The following SLC25A23 variants were observed in gnomAD, a reference collection of about 807,000 sequenced individuals.
SLC25A23 encodes the protein mitochondrial adenyl nucleotide antiporter SLC25A23.
In SLC25A23, 32 loss-of-function variants were observed where a neutral mutation model predicts 53.9. The ratio of observed to expected loss-of-function variants is 0.59; its 90% confidence interval spans 0.45 to 0.80. The LOEUF is 0.80. SLC25A23 is among the 30% of genes least tolerant of loss of function. The pLI, the probability that SLC25A23 is intolerant of heterozygous loss-of-function variation, is 0.00. For synonymous variants in SLC25A23, 275 were observed against 264.5 expected, an observed-to-expected ratio of 1.04 and a Z score of -0.38; for missense variants, 575 against 651.4, an observed-to-expected ratio of 0.88 and a Z score of 1.28.
At chr19:6,447,427 G>A (rs999961570) in intron 8 of SLC25A23, among the ~76,000 whole-genome samples, 1 of 151,260 alleles carries the variant, frequency 6.6e-6, no homozygotes, top group African/African-American at 2.4e-5. Context: ...TTCAACCTCT[G>A]GAGTAGCCAG....
rs963832365 is a variant in SLC25A23, at chr19:6,456,539, G to A, written c.372-8C>T. 2.5e-6 allele frequency: 4 copies of A among 1,586,406 alleles called. No individual in the cohort carries two copies. Among genetic ancestry groups the A allele is most frequent in the Non-Finnish European group, 3.5e-6 (4 of 1,155,978 alleles). ...GTGCCGTCTCGGTCCATGCTGGGGG[G>A]AAGAAAGGGGGTGGAGGAGGACAGG... On this transcript the variant is annotated splice_polypyrimidine_tract_variant and splice_region_variant and intron_variant, in intron 3 of 9. Transcript: ENST00000301454.
chr19:6,458,883 G>A (rs1226174406), intron 1 of SLC25A23, among the ~76,000 whole-genome samples: 4 of 152,182 alleles, frequency 2.6e-5, no homozygotes, highest in Admixed American at 6.5e-5. Context: ...GCGATCTGGG[G>A]CTACAGGTGT....
chr19:6,446,654 C>G (rs2092509327), intron 8 of SLC25A23, among the ~76,000 whole-genome samples: 1 of 152,162 alleles, frequency 6.6e-6, no homozygotes, highest in Non-Finnish European at 1.5e-5. Flanking sequence ...TGCAGCATGT[C>G]TTATGCTGCC....
At chr19:6,452,142 T>C (rs2092601346) in intron 8 of SLC25A23, among the ~76,000 whole-genome samples, 170 bp downstream of exon 8, 1 of 152,084 alleles carries the variant, frequency 6.6e-6, no homozygotes, top group African/African-American at 2.4e-5. Context: ...GAGAGTCCAA[T>C]ACCTGGAAGG....
rs1178778103 is a variant in SLC25A23 at position 6,441,349 on chromosome 19, C to A, written c.*626G>T. 9 of 153,190 alleles carry A rather than the reference C, an allele frequency of 5.9e-5. No homozygotes were observed. Among genetic ancestry groups the A allele is most frequent in the Admixed American group, 5.8e-4 (9 of 15,522 alleles). The allele number at this position is 153,190 out of a possible 1,614,324, so 9.5% of individuals were successfully genotyped here. A position where few individuals can be genotyped will look rare whatever the true frequency, so the allele number is the denominator to read the frequency against. ...TTTGTTGACATCCAGAATCCAGCAG[C>A]TGAGCTTGGAGATCCAGGGCTCGAG... On this transcript the variant is annotated 3_prime_UTR_variant, in exon 10 of 10. Coordinates refer to ENST00000301454, the MANE Select transcript of SLC25A23 (RefSeq NM_024103.3).
At chr19:6,457,374 T>A (rs2092696606) in intron 3 of SLC25A23, 129 bp downstream of exon 3, 1 of 810,618 alleles carries the variant, frequency 1.2e-6, no homozygotes, top group South Asian at 1.6e-5. Flanking sequence ...GCCAGATCTG[T>A]CTGACTTCAA....
intron 8 of SLC25A23, among the ~76,000 whole-genome samples, chr19:6,451,115 C>CA (rs891015409): frequency 1.4e-4 from 20 of 145,458 alleles, no homozygotes; most frequent in Non-Finnish European, 2.4e-4. Context: ...TCAGGCCTGG[C>CA]ATGGTAGTTC....
rs768302760 is a variant in SLC25A23 at position 6,451,080 on chromosome 19, G to GA, written c.1071+1231dup. ...GCGACAGAGTGAGACTCTGTCTCGGGAAAAAAAAAAAAAAATTAAGAATTT... is the reference window on the plus strand; with the variant it reads ...GCGACAGAGTGAGACTCTGTCTCGGGAAAAAAAAAAAAAAAATTAAGAATTT... On this transcript the variant is annotated intron_variant, in intron 8 of 9. Transcript: ENST00000301454. Among the ~76,000 whole-genome samples the GA allele has an allele frequency of 8.9e-3, 1,001 of 111,860 alleles. 11 individuals are homozygous for GA. The highest frequency in any genetic ancestry group is 0.026 in the African/African-American group (769 of 29,384). 73.4% of individuals were successfully genotyped at this position (111,860 alleles called of 152,430 possible).
chr19:6,458,154 C>A (rs752778631), intron 2 of SLC25A23, 44 bp downstream of exon 2: 7 of 1,603,910 alleles, frequency 4.4e-6, no homozygotes. Flanking sequence ...AGGGCCCCCA[C>A]AGCCCTATCC....
intron 1 of SLC25A23, among the ~76,000 whole-genome samples, chr19:6,458,600 G>A (rs1265235147): frequency 6.6e-6 from 1 of 152,222 alleles, no homozygotes; most frequent in Non-Finnish European, 1.5e-5. Flanking sequence ...ACAGAACCAG[G>A]AAATGGTAAC....
Position 6,441,479 on chromosome 19 carries a change from G to T in SLC25A23, c.*496C>A, listed in dbSNP as rs1016127649. 1.2e-5 allele frequency: 2 copies of T among 164,048 alleles called. No individual in the cohort carries two copies. The highest frequency in any genetic ancestry group is 4.8e-5 in the African/African-American group (2 of 41,582). 10.2% of individuals were successfully genotyped at this position (164,048 alleles called of 1,614,324 possible). On this transcript the variant is annotated 3_prime_UTR_variant, in exon 10 of 10. Coordinates refer to ENST00000301454, the MANE Select transcript of SLC25A23 (RefSeq NM_024103.3). ...CTGGGTGTTGAGGTACAGGGAATCC[G>T]TGCTCCTGTGGTTGGGGTGTTGGGA...
In SLC25A23 at chr19:6,454,757, G is replaced by A. The variant is rs184284267; in HGVS notation, c.484-40C>T. On this transcript the variant is annotated intron_variant, in intron 4 of 9. Coordinates refer to ENST00000301454, the MANE Select transcript of SLC25A23 (RefSeq NM_024103.3). This position sits in a 1 kb window ranked among gnomAD's most constrained non-coding sequence, Gnocchi z 4.3. Reference sequence around the variant, plus strand: ...GTTGGGGGTGTCATGCCATGGTGGGGACAGGGAGATGTGACTCAGTCCTAA... The same window carrying A: ...GTTGGGGGTGTCATGCCATGGTGGGAACAGGGAGATGTGACTCAGTCCTAA... The A allele has an allele frequency of 2.5e-4, 396 of 1,607,680 alleles. 4 individuals carry two copies. In the East Asian group the frequency reaches 6.7e-3, roughly 27 times the overall value.
At chr19:6,438,117 G>A (rs1338957336), downstream of SLC25A23, 1 of 151,744 alleles carries the variant, frequency 6.6e-6, no homozygotes, top group Admixed American at 6.6e-5. Context: ...TTGAGGTCAG[G>A]AGTTCAAGAC....
downstream of SLC25A23, among the ~76,000 whole-genome samples, chr19:6,438,030 G>A (rs1178650481): frequency 2.6e-4 from 38 of 144,138 alleles, 1 homozygote; most frequent in East Asian, 2.5e-3. Flanking sequence ...AGCCGAGATC[G>A]TGCCACTGCA....
At chr19:6,437,810 GAAA>G (rs1226306516), downstream of SLC25A23, among the ~76,000 whole-genome samples, 1 of 112,412 alleles carries the variant, frequency 8.9e-6, no homozygotes. Context: ...CTCCATCTCA[GAAA>G]AAAAAAAAGG....
rs1199678168 is a variant in SLC25A23 at position 6,441,094 on chromosome 19, G to A, written c.*881C>T. The A allele has an allele frequency of 6.6e-6, 1 of 152,216 alleles. No homozygotes were observed. 9.4% of individuals were successfully genotyped at this position (152,216 alleles called of 1,614,324 possible). The stretch of plus-strand genomic sequence containing the variant: ...TGTTTTAGGAGCCAGAATCTGGTGG[G>A]TGAAGGCTTGGGAATCTGGGATCCA... On this transcript the variant is annotated 3_prime_UTR_variant, in exon 10 of 10. Coordinates refer to ENST00000301454, the MANE Select transcript of SLC25A23 (RefSeq NM_024103.3).
intron 1 of SLC25A23, among the ~76,000 whole-genome samples, chr19:6,458,529 G>A (rs559753443): frequency 7.2e-4 from 110 of 152,226 alleles, no homozygotes; most frequent in African/African-American, 2.6e-3. Flanking sequence ...GGGTGTGAGT[G>A]GTCTAGTTTT....
At position 6,444,192 on chromosome 19, in the gene SLC25A23, C is replaced by G; in HGVS notation, c.1181G>C (p.Ser394Thr). 1 of 1,599,984 alleles carries G rather than the reference C, an allele frequency of 6.3e-7. No individual in the cohort carries two copies. The highest frequency in any genetic ancestry group is 8.5e-7 in the Non-Finnish European group (1 of 1,173,632). Residue 394 changes from serine (S) to threonine (T), a missense_variant, in exon 9 of 10, where the codon AGT (serine) becomes ACT (threonine). By Grantham distance (58) the Ser-to-Thr change is moderately conservative. Coordinates refer to ENST00000301454, the MANE Select transcript of SLC25A23 (RefSeq NM_024103.3). Reference protein sequence around the residue: ...TISSTCGQIASYPLALVRTRM... With the variant: ...TISSTCGQIATYPLALVRTRM... Reference sequence around the variant, plus strand: ...GGTCCGGACCAGGGCCAGCGGGTAACTGGCTATCTGGCCGCAGGTGCTGGA... The same window carrying G: ...GGTCCGGACCAGGGCCAGCGGGTAAGTGGCTATCTGGCCGCAGGTGCTGGA...
At chr19:6,442,931 GC>G (rs2092444127) in intron 9 of SLC25A23, among the ~76,000 whole-genome samples, 4 of 129,552 alleles carry the variant, frequency 3.1e-5, no homozygotes, top group Non-Finnish European at 6.5e-5. Flanking sequence ...ACCATGCCCA[GC>G]CCTTTTTTTT....
Sources: allele counts gnomAD v4.1 joint callset (sites outside exome capture counted in the v4.1 genomes callset), GRCh38; gene constraint gnomAD v4.1.1; non-coding constraint Gnocchi (gnomAD v3.1); transcripts MANE v1.5; gene names NCBI Gene and HGNC (gene_info 2026-07-23, HGNC 2026-07-21).